OR52N5: variants seen among roughly 807,000 people sequenced by gnomAD.
OR52N5 encodes olfactory receptor family 52 subfamily N member 5, also known as olfactory receptor 52N5.
A neutral mutation model predicts 14.1 loss-of-function variants in OR52N5; 10 were observed. The observed-to-expected ratio is 0.71, with a 90% CI of 0.44 to 1.20. The LOEUF (loss-of-function observed/expected upper bound fraction) is 1.20, where lower values mean the gene tolerates loss of function less well. Ranked by LOEUF, OR52N5 falls within the 50% of genes most tolerant of loss-of-function variation. The pLI, the probability that OR52N5 is intolerant of heterozygous loss-of-function variation, is 0.00. For missense variants in OR52N5, 361 were observed against 403.2 expected, an observed-to-expected ratio of 0.90 and a Z score of 0.90; for synonymous variants, 116 against 143.0, an observed-to-expected ratio of 0.81 and a Z score of 1.35.
At chr11:5,782,361 C>A (rs375107215) in intron 1 of OR52N5, among the ~76,000 whole-genome samples, 2 of 139,464 alleles carry the variant, frequency 1.4e-5, no homozygotes, top group Admixed American at 1.5e-4. Context: ...TTTATCCACA[C>A]GACTAGACAA....
Position 5,777,706 on chromosome 11 carries a change from C to A in OR52N5, c.929G>T (p.Arg310Leu), listed in dbSNP as rs775551894. 9 of 1,505,330 alleles carry A rather than the reference C, an allele frequency of 6.0e-6. 3 individuals carry two copies. In the South Asian group the frequency reaches 7.2e-5, roughly 12 times the overall value. The allele number at this position is 1,505,330 out of a possible 1,614,324, so 93.2% of individuals were successfully genotyped here. ...IVYGVKTKQIRKSVIKFFQGD... is the reference protein window; with the variant it reads ...IVYGVKTKQILKSVIKFFQGD... ...CTGGAAGAACTTTATGACACTCTTG[C>A]GTATCTGTTTTGTCTTTACTCCATA... Residue 310 changes from arginine to leucine, a missense_variant, in exon 3 of 3, where the codon CGC (arginine) becomes CTC (leucine). Arg to Leu is a moderately radical substitution (Grantham distance 102). Coordinates refer to ENST00000641181, the MANE Select transcript of OR52N5 (RefSeq NM_001385662.1).
intron 1 of OR52N5, among the ~76,000 whole-genome samples, chr11:5,782,952 G>C (rs1383470393): frequency 7.2e-6 from 1 of 138,326 alleles, no homozygotes; most frequent in Non-Finnish European, 1.6e-5. Context: ...CCTGATTTAA[G>C]AGACAGTAAA....
Position 5,777,848 on chromosome 11 carries a change from G to T in OR52N5, c.787C>A (p.Pro263Thr), listed in dbSNP as rs867329035. The T allele has an allele frequency of 6.6e-7, 1 of 1,519,334 alleles. No homozygotes were observed. Among genetic ancestry groups the T allele is most frequent in the African/African-American group, 1.4e-5 (1 of 70,152 alleles). The allele number at this position is 1,519,334 out of a possible 1,614,324, so 94.1% of individuals were successfully genotyped here. A position where few individuals can be genotyped will look rare whatever the true frequency, so the allele number is the denominator to read the frequency against. ...TGGGCAAAGAAAGTGAAGAATGCTG[G>T]AACATAGGTGATGATGATGGCAGAT... is the stretch of plus-strand genomic sequence containing the variant. ...HISAIIITYV[P>T]AFFTFFAHRF... The change falls in exon 3 of 3, where the codon CCA becomes ACA. Residue 263 changes from proline to threonine, a missense_variant. Pro to Thr is a conservative substitution (Grantham distance 38). Coordinates refer to ENST00000641181, the MANE Select transcript of OR52N5 (RefSeq NM_001385662.1).
rs1464695915 is a variant in OR52N5 at position 5,780,609 on chromosome 11, CA to C, written c.-24+923del. ...CATTACAACTGATACAACAGACATA[CA>C]AAGGTTCATAAGAGACTACTATGAA... On this transcript the variant is annotated intron_variant, in intron 2 of 2. Transcript: ENST00000641181. 2.2e-5 allele frequency among the ~76,000 whole-genome samples: 3 copies of C among 138,502 alleles called. No homozygotes were observed. The Admixed American group carries it at 2.2e-4, about 10-fold the overall frequency. 90.9% of individuals were successfully genotyped at this position (138,502 alleles called of 152,430 possible). A position where few individuals can be genotyped will look rare whatever the true frequency, so the allele number is the denominator to read the frequency against.
At position 5,778,675 on chromosome 11, in the gene OR52N5, T is replaced by G. The variant is rs1363224771; in HGVS notation, c.-23-18A>C. The stretch of plus-strand genomic sequence containing the variant: ...GTTTCATCCTGAAGAGAAGGAATTA[T>G]GAAACAAATTTCATTCAAATTTTCC... On this transcript the variant is annotated intron_variant, in intron 2 of 2. Transcript: ENST00000641181. 4 of 1,269,318 alleles carry G rather than the reference T, an allele frequency of 3.2e-6. 1 individual carries two copies. In the East Asian group the frequency reaches 9.8e-5, roughly 31 times the overall value. The allele number at this position is 1,269,318 out of a possible 1,614,324, so 78.6% of individuals were successfully genotyped here. A position where few individuals can be genotyped will look rare whatever the true frequency, so the allele number is the denominator to read the frequency against.
rs1430569236 is a variant in OR52N5 at position 5,776,257 on chromosome 11, G to A, written c.*1403C>T. ...GTTGATAAAAATATTCAGAAATATG[G>A]GAAATGAAATAACTAACAAATGAAG... On this transcript the variant is annotated 3_prime_UTR_variant, in exon 3 of 3. Transcript: ENST00000641181. 12 of 139,468 alleles carry A rather than the reference G, an allele frequency of 8.6e-5. 3 individuals are homozygous for A. The highest frequency in any genetic ancestry group is 2.9e-4 in the African/African-American group (11 of 38,142). 8.6% of individuals were successfully genotyped at this position (139,468 alleles called of 1,614,324 possible).
At chr11:5,781,160 T>C (rs1854546709) in intron 2 of OR52N5, among the ~76,000 whole-genome samples, 1 of 139,946 alleles carries the variant, frequency 7.1e-6, no homozygotes, top group Non-Finnish European at 1.6e-5. Flanking sequence ...AATGCAGAAG[T>C]TGTGGACTAA....
intron 2 of OR52N5, among the ~76,000 whole-genome samples, chr11:5,779,036 C>A (rs1039222694): frequency 7.1e-6 from 1 of 140,152 alleles, no homozygotes; most frequent in Non-Finnish European, 1.6e-5. Flanking sequence ...GAGGACATAT[C>A]CTATGACAGC....
In OR52N5 at chr11:5,778,371, G is replaced by A; in HGVS notation, c.264C>T (p.Pro88=). 6.6e-7 allele frequency: 1 copy of A among 1,520,026 alleles called. No individual in the cohort carries two copies. The allele number at this position is 1,520,026 out of a possible 1,614,324, so 94.2% of individuals were successfully genotyped here. A position where few individuals can be genotyped will look rare whatever the true frequency, so the allele number is the denominator to read the frequency against. ...TGAACCAGAAGATGCAGAGTGCATTGGGTAGAGTGGTGGTGCAGGTAAGGA... is the reference window on the plus strand; with the variant it reads ...TGAACCAGAAGATGCAGAGTGCATTAGGTAGAGTGGTGGTGCAGGTAAGGA... The part of the protein sequence containing the change: ...IDLLTCTTTL[P]NALCIFWFSL... The change falls in exon 3 of 3, where the codon CCC becomes CCT. Residue 88 remains proline, a synonymous_variant. Coordinates refer to ENST00000641181, the MANE Select transcript of OR52N5 (RefSeq NM_001385662.1).
chr11:5,779,658 T>C (rs1464174479), intron 2 of OR52N5, among the ~76,000 whole-genome samples: 2 of 139,918 alleles, frequency 1.4e-5, no homozygotes, highest in Non-Finnish European at 3.2e-5. Context: ...TCCTTCTAAA[T>C]GCATGACGAC....
intron 2 of OR52N5, among the ~76,000 whole-genome samples, chr11:5,780,561 T>A: frequency 7.3e-6 from 1 of 137,594 alleles, no homozygotes; most frequent in Non-Finnish European, 1.6e-5. Context: ...CTCAAATAAA[T>A]AAAATGAAAA....
At chr11:5,782,417 T>C (rs1854556495) in intron 1 of OR52N5, among the ~76,000 whole-genome samples, 1 of 140,128 alleles carries the variant, frequency 7.1e-6, no homozygotes, top group South Asian at 2.3e-4. Flanking sequence ...TTTACCTGTT[T>C]AATATATTTG....
rs763036733 is a variant in OR52N5, at chr11:5,782,626, T to C, written c.-248+669A>G. 1.4e-5 allele frequency among the ~76,000 whole-genome samples: 2 copies of C among 139,740 alleles called. 1 individual carries two copies. The highest frequency in any genetic ancestry group is 3.2e-5 in the Non-Finnish European group (2 of 63,302). The allele number at this position is 139,740 out of a possible 152,430, so 91.7% of individuals were successfully genotyped here. On this transcript the variant is annotated intron_variant, in intron 1 of 2. Coordinates refer to ENST00000641181, the MANE Select transcript of OR52N5 (RefSeq NM_001385662.1). Reference sequence around the variant, plus strand: ...ACCAAACCAGAATTATTATTTGAAATTCACCTTTCTTCCTCCTTGCTACCT... The same window carrying C: ...ACCAAACCAGAATTATTATTTGAAACTCACCTTTCTTCCTCCTTGCTACCT...
chr11:5,778,145 G>A lies in OR52N5; in HGVS notation c.490C>T (p.Leu164=), dbSNP rs771197248. 4 of 1,521,292 alleles carry A rather than the reference G, an allele frequency of 2.6e-6. 1 individual carries two copies. Among genetic ancestry groups the A allele is most frequent in the Non-Finnish European group, 3.6e-6 (4 of 1,114,612 alleles). The allele number at this position is 1,521,292 out of a possible 1,614,324, so 94.2% of individuals were successfully genotyped here. The part of the protein sequence containing the change: ...ELATFLRGVL[L]MIPFPFLVKR... ...ACCAAGAATGGGAAAGGAATCATCA[G>A]CAATACACCCCTCAGGAAGGTGGCA... Residue 164 remains leucine (L), a synonymous_variant, in exon 3 of 3, where the codon CTG becomes TTG. Coordinates refer to ENST00000641181, the MANE Select transcript of OR52N5 (RefSeq NM_001385662.1).
Position 5,776,372 on chromosome 11 carries a change from A to G in OR52N5, c.*1288T>C, listed in dbSNP as rs571714995. ...ACTGGGAAAGCCATACCATATACCA[A>G]CTAGCTCCTGCACTGACTTCTGGTG... On this transcript the variant is annotated 3_prime_UTR_variant, in exon 3 of 3. Transcript: ENST00000641181. The G allele has an allele frequency of 9.3e-5, 13 of 140,480 alleles. 2 individuals are homozygous for G. The highest frequency in any genetic ancestry group is 3.4e-4 in the African/African-American group (13 of 38,530). 8.7% of individuals were successfully genotyped at this position (140,480 alleles called of 1,614,324 possible).
intron 1 of OR52N5, among the ~76,000 whole-genome samples, chr11:5,782,641 CCTT>C (rs1201923692): frequency 1.4e-5 from 2 of 139,632 alleles, no homozygotes; most frequent in African/African-American, 5.3e-5. Context: ...CTTTCTTCCT[CCTT>C]GCTACCTTCA....
chr11:5,780,908 A>G lies in OR52N5; in HGVS notation c.-24+625T>C, dbSNP rs551678007. Reference sequence around the variant, plus strand: ...TACAAAAATCAACTTAAAATAGATTAAAGACTTAAATGCCTGATGCTTATC... The same window carrying G: ...TACAAAAATCAACTTAAAATAGATTGAAGACTTAAATGCCTGATGCTTATC... On this transcript the variant is annotated intron_variant, in intron 2 of 2. Transcript: ENST00000641181. Among the ~76,000 whole-genome samples the G allele has an allele frequency of 1.1e-4, 15 of 140,560 alleles. 2 individuals carry two copies. In the South Asian group the frequency reaches 1.6e-3, roughly 15 times the overall value. 92.2% of individuals were successfully genotyped at this position (140,560 alleles called of 152,430 possible). A position where few individuals can be genotyped will look rare whatever the true frequency, so the allele number is the denominator to read the frequency against.
At chr11:5,779,776 G>C (rs1476736459) in intron 2 of OR52N5, among the ~76,000 whole-genome samples, 1 of 138,792 alleles carries the variant, frequency 7.2e-6, no homozygotes, top group Non-Finnish European at 1.6e-5. Context: ...TCTAAGTTCT[G>C]TCTTTTGGAT....
chr11:5,776,867 C>A lies in OR52N5; in HGVS notation c.*793G>T, dbSNP rs1233545148. 4 of 139,710 alleles carry A rather than the reference C, an allele frequency of 2.9e-5. 1 individual carries two copies. The highest frequency in any genetic ancestry group is 6.3e-5 in the Non-Finnish European group (4 of 63,326). 8.7% of individuals were successfully genotyped at this position (139,710 alleles called of 1,614,324 possible). A position where few individuals can be genotyped will look rare whatever the true frequency, so the allele number is the denominator to read the frequency against. ...GTGCAGGTATCTGGTATCTCTTCAA[C>A]ATATTGTTTTTCTTTTTTTGGATAT... On this transcript the variant is annotated 3_prime_UTR_variant, in exon 3 of 3. Transcript: ENST00000641181.
Sources: allele counts gnomAD v4.1 joint callset (sites outside exome capture counted in the v4.1 genomes callset), GRCh38; gene constraint gnomAD v4.1.1; transcripts MANE v1.5; gene names NCBI Gene and HGNC (gene_info 2026-07-23, HGNC 2026-07-21).